Variants in PER3 observed in about 807,000 individuals in gnomAD.
The protein encoded by PER3 is period circadian regulator 3.
Under a neutral mutation model 127.2 loss-of-function variants are expected in PER3, and 107 were observed. The ratio of observed to expected loss-of-function variants is 0.84; its 90% CI spans 0.72 to 0.99. The LOEUF is 0.99. PER3 is among the 50% of genes least tolerant of loss of function. The pLI, the probability that PER3 is intolerant of heterozygous loss-of-function variation, is 0.00. For missense variants in PER3, 1,560 were observed against 1,525.8 expected, an observed-to-expected ratio of 1.02 and a Z score of -0.37; for synonymous variants, 618 against 585.8, an observed-to-expected ratio of 1.05 and a Z score of -0.79.
At position 7,812,624 on chromosome 1, in the gene PER3, C is replaced by CA. The variant is rs35962033; in HGVS notation, c.1522+2061dup. On this transcript the variant is annotated intron_variant, in intron 13 of 21. Coordinates refer to ENST00000377532, the MANE Select transcript of PER3 (RefSeq NM_001377275.1). ...TGGGCAACAGAGCAAGACTCCGTCT[C>CA]AAAAAAAAAAAAAAAAAAAAAAAAA... Among the ~76,000 whole-genome samples, 229 of 85,194 alleles carry CA rather than the reference C, an allele frequency of 2.7e-3. 3 individuals are homozygous for CA. Among genetic ancestry groups the CA allele is most frequent in the East Asian group, 9.7e-3 (26 of 2,686 alleles). The allele number at this position is 85,194 out of a possible 152,430, so 55.9% of individuals were successfully genotyped here.
intron 3 of PER3, 39 bp downstream of exon 3, chr1:7,785,625 C>G: frequency 6.3e-7 from 1 of 1,580,418 alleles, no homozygotes; most frequent in Non-Finnish European, 8.7e-7. Flanking sequence ...TACGAATGCA[C>G]CAGGACTCAT....
intron 21 of PER3, among the ~76,000 whole-genome samples, chr1:7,837,809 C>T (rs1229429387): frequency 6.6e-6 from 1 of 152,186 alleles, no homozygotes; most frequent in East Asian, 1.9e-4. Flanking sequence ...TCCAGTGGCT[C>T]ACGTCTGTAA....
At chr1:7,824,686 T>G (rs1577887145) in intron 16 of PER3, among the ~76,000 whole-genome samples, 1 of 152,238 alleles carries the variant, frequency 6.6e-6, no homozygotes, top group East Asian at 1.9e-4. Flanking sequence ...GATTGATCCT[T>G]TCAGGCTTTG....
intron 13 of PER3, among the ~76,000 whole-genome samples, chr1:7,815,334 A>G (rs117422155): frequency 6.6e-6 from 1 of 152,340 alleles, no homozygotes; most frequent in East Asian, 1.9e-4. Flanking sequence ...TACTATCTAC[A>G]AGAACCCATT....
At chr1:7,811,328 T>C (rs1253074421) in intron 13 of PER3, among the ~76,000 whole-genome samples, 1 of 152,216 alleles carries the variant, frequency 6.6e-6, no homozygotes, top group East Asian at 1.9e-4. Flanking sequence ...AGGTCAATAA[T>C]GATAACAGCT....
rs567411572 is a variant in PER3, at chr1:7,827,920, G to T, written c.2886+105G>T. On this transcript the variant is annotated intron_variant, in intron 18 of 21. Transcript: ENST00000377532. ...TGCTGACATTCTCAGTAGGTAATCC[G>T]CGTGGCTACTGTGAGTGAGCCTGTT... The T allele has an allele frequency of 6.1e-6, 5 of 815,756 alleles. No homozygotes were observed. In the Admixed American group the frequency reaches 1.3e-4, roughly 21 times the overall value. 50.5% of individuals were successfully genotyped at this position (815,756 alleles called of 1,614,324 possible).
chr1:7,828,559 A>C (rs183487137), intron 18 of PER3, among the ~76,000 whole-genome samples: 2 of 152,354 alleles, frequency 1.3e-5, no homozygotes, highest in Admixed American at 1.3e-4. Flanking sequence ...AAATCTAGTG[A>C]TACAAATCAA....
Position 7,803,840 on chromosome 1 carries a change from A to T in PER3, c.1128A>T (p.Lys376Asn). Residue 376 changes from lysine to asparagine, a missense_variant, in exon 10 of 22, where the codon AAA becomes AAT. This residue lies in a region of PER3 where 1,332 missense variants were observed against 1,223.6 expected (regional missense o/e 1.09). Coordinates refer to ENST00000377532, the MANE Select transcript of PER3 (RefSeq NM_001377275.1). ...TTTCTTTCATCATTGGTCGGCATAA[A>T]GTTCGAACGTAAGCCAGTCAGTTTT... ...RKISFIIGRH[K>N]VRTSPLNEDV... 2 of 1,612,656 alleles carry T rather than the reference A, an allele frequency of 1.2e-6. No individual in the cohort carries two copies. Among genetic ancestry groups the T allele is most frequent in the South Asian group, 2.2e-5 (2 of 90,674 alleles).
intron 8 of PER3, 49 bp from the exon 9 acceptor site, chr1:7,802,998 A>G: frequency 2.1e-6 from 2 of 951,776 alleles, no homozygotes; most frequent in African/African-American, 3.2e-5. Context: ...AAAAGTGTAT[A>G]AGAATTACCT....
At chr1:7,819,216 G>C in intron 13 of PER3, 69 bp from the exon 14 acceptor site, 1 of 1,368,416 alleles carries the variant, frequency 7.3e-7, no homozygotes, top group Non-Finnish European at 1.0e-6. Flanking sequence ...TTTAATTTTG[G>C]TAAGAAAGTA....
At chr1:7,815,761 A>G (rs2097245886) in intron 13 of PER3, among the ~76,000 whole-genome samples, 1 of 152,030 alleles carries the variant, frequency 6.6e-6, no homozygotes, top group Non-Finnish European at 1.5e-5. Flanking sequence ...CGAGGTGGGC[A>G]GATCACAAGA....
chr1:7,810,875 C>T (rs2097216466), intron 13 of PER3, among the ~76,000 whole-genome samples: 2 of 152,166 alleles, frequency 1.3e-5, no homozygotes, highest in African/African-American at 4.8e-5. Context: ...AGATTTCCCT[C>T]CCTACATGGG....
rs1486652748 is a variant in PER3, at chr1:7,784,700, G to T, written c.-178G>T. 1.8e-5 allele frequency: 10 copies of T among 562,104 alleles called. No homozygotes were observed. Among genetic ancestry groups the T allele is most frequent in the Non-Finnish European group, 2.6e-5 (9 of 351,554 alleles). 34.8% of individuals were successfully genotyped at this position (562,104 alleles called of 1,614,324 possible). A position where few individuals can be genotyped will look rare whatever the true frequency, so the allele number is the denominator to read the frequency against. Reference sequence around the variant, plus strand: ...CGAGCTCCGGGTTTTGAAAATGTTGGAGGGAAAAGCTCCTCGGAGATGAGC... The same window carrying T: ...CGAGCTCCGGGTTTTGAAAATGTTGTAGGGAAAAGCTCCTCGGAGATGAGC... On this transcript the variant is annotated 5_prime_UTR_variant, in exon 2 of 22. The change creates a premature stop within an existing upstream ORF in the 5' untranslated region. Transcript: ENST00000377532.
chr1:7,829,920 AT>A lies in PER3; in HGVS notation c.2974del (p.Ser992ProfsTer15). On this transcript the variant is annotated frameshift_variant, in exon 19 of 22. Transcript: ENST00000377532. LOFTEE classifies it high-confidence loss of function. The stretch of plus-strand genomic sequence containing the variant: ...CGGGGTCACCTCCCAGGGAGAATCC[AT>A]CCCATCCTACTGCCAGCGCTCTGTC... ...STGSPPRENPSHPTASALSTG... is the reference protein window; with the variant it reads ...STGSPPRENPXHPTASALSTG... 3 of 1,330,342 alleles carry A rather than the reference AT, an allele frequency of 2.3e-6. No individual in the cohort carries two copies. The highest frequency in any genetic ancestry group is 1.9e-6 in the Non-Finnish European group (2 of 1,028,588). 82.4% of individuals were successfully genotyped at this position (1,330,342 alleles called of 1,614,324 possible).
At chr1:7,811,252 A>C (rs758576167) in intron 13 of PER3, among the ~76,000 whole-genome samples, 27 of 152,222 alleles carry the variant, frequency 1.8e-4, no homozygotes, top group Non-Finnish European at 2.6e-4. Flanking sequence ...GATCTTGGTC[A>C]CTAAATGTTA....
chr1:7,832,348 A>C (rs941174797), intron 19 of PER3, among the ~76,000 whole-genome samples: 1 of 101,690 alleles, frequency 9.8e-6, no homozygotes, highest in Non-Finnish European at 2.2e-5. Flanking sequence ...TTGGTTTTTT[A>C]TTTTATTGAT....
intron 19 of PER3, among the ~76,000 whole-genome samples, chr1:7,834,820 T>TA (rs577895907): frequency 2.3e-4 from 35 of 151,788 alleles, no homozygotes; most frequent in East Asian, 7.7e-4. Context: ...CTTAGTTTTT[T>TA]AAAAAAAATT....
Position 7,808,911 on chromosome 1 carries a change from T to C in PER3, c.1155T>C (p.Asp385=). 6.3e-7 allele frequency: 1 copy of C among 1,590,716 alleles called. No homozygotes were observed. The highest frequency in any genetic ancestry group is 1.3e-5 in the African/African-American group (1 of 74,574). ...HKVRTSPLNE[D]VFATKIKKMN... ...TTTCTAGGAGCCCACTAAATGAGGA[T>C]GTTTTTGCTACCAAAATTAAAAAGA... Residue 385 remains aspartate (D), a synonymous_variant, in exon 11 of 22, where the codon GAT becomes GAC. Transcript: ENST00000377532.
Position 7,826,364 on chromosome 1 carries a change from G to A in PER3, c.1958-116G>A, listed in dbSNP as rs697693. The A allele has an allele frequency of 0.22, 143,352 of 645,368 alleles. 18,690 individuals carry two copies. Among genetic ancestry groups the A allele is most frequent in the East Asian group, 0.49 (17,713 of 36,488 alleles). The allele number at this position is 645,368 out of a possible 1,614,324, so 40.0% of individuals were successfully genotyped here. A position where few individuals can be genotyped will look rare whatever the true frequency, so the allele number is the denominator to read the frequency against. On this transcript the variant is annotated intron_variant, in intron 16 of 21. Coordinates refer to ENST00000377532, the MANE Select transcript of PER3 (RefSeq NM_001377275.1). The surrounding 1 kb of genome is among the most constrained non-coding windows in gnomAD (Gnocchi z 4.2). ...TGTGCTAGGCTAATGAAGATTTTTCGTATTCCAGCAGTTATAATAATGTTT... is the reference window on the plus strand; with the variant it reads ...TGTGCTAGGCTAATGAAGATTTTTCATATTCCAGCAGTTATAATAATGTTT...
Sources: gnomAD v4.1 joint callset for allele counts (sites outside exome capture counted in the v4.1 genomes callset) on GRCh38, gnomAD v4.1.1 for gene constraint, gnomAD v4.1.1 regional missense constraint, Gnocchi (gnomAD v3.1) non-coding constraint, MANE v1.5 for transcripts, NCBI Gene and HGNC (gene_info 2026-07-23, HGNC 2026-07-21) for gene names.